DPYS: variants seen among roughly 807,000 people sequenced by gnomAD.
DPYS encodes the protein dihydropyrimidine amidohydrolase.
Under a neutral mutation model 50.3 loss-of-function variants are expected in DPYS, and 39 were observed. That is an observed-to-expected ratio of 0.78 (90% CI 0.60 to 1.01). The LOEUF is 1.01. DPYS is among the 50% of genes least tolerant of loss of function. The pLI, the probability that DPYS is intolerant of heterozygous loss-of-function variation, is 0.00. For synonymous variants in DPYS, 245 were observed against 250.7 expected, an observed-to-expected ratio of 0.98 and a Z score of 0.22; for missense variants, 659 against 680.9, an observed-to-expected ratio of 0.97 and a Z score of 0.36.
Position 104,428,110 on chromosome 8 carries a change from G to A in DPYS, c.962C>T (p.Thr321Ile). The A allele has an allele frequency of 6.2e-7, 1 of 1,614,210 alleles. No individual in the cohort carries two copies. The highest frequency in any genetic ancestry group is 8.5e-7 in the Non-Finnish European group (1 of 1,180,036). The change falls in exon 6 of 10, where the codon ACC (threonine) becomes ATC (isoleucine). Residue 321 changes from threonine to isoleucine, a missense_variant. Transcript: ENST00000351513. ...LMNLLANDDL[T>I]TTGTDNCTFN... ...AGTGCAGTTATCAGTCCCTGTTGTG[G>A]TTAGATCATCACTGTAAAAGAAAAA...
At chr8:104,456,640 T>C (rs568848409) in intron 1 of DPYS, among the ~76,000 whole-genome samples, 3 of 152,390 alleles carry the variant, frequency 2.0e-5, no homozygotes, top group African/African-American at 7.2e-5. Flanking sequence ...GATAGCTACA[T>C]GAAGCCTAGT....
At chr8:104,395,934 C>T (rs145207792) in intron 7 of DPYS, among the ~76,000 whole-genome samples, 10 of 151,386 alleles carry the variant, frequency 6.6e-5, no homozygotes, top group East Asian at 3.9e-4. Flanking sequence ...AAGCAGGAGG[C>T]GGGTACAAAT....
chr8:104,408,555 T>C (rs1812071572), intron 7 of DPYS, among the ~76,000 whole-genome samples: 1 of 152,230 alleles, frequency 6.6e-6, no homozygotes, highest in Admixed American at 6.5e-5. Context: ...TATCAAAAGA[T>C]TGTACCCTTT....
At chr8:104,437,108 A>G (rs966159462) in intron 4 of DPYS, among the ~76,000 whole-genome samples, 1 of 152,240 alleles carries the variant, frequency 6.6e-6, no homozygotes, top group African/African-American at 2.4e-5. Flanking sequence ...ATGGAGGATT[A>G]TGATGGAGTC....
At chr8:104,429,463 G>T in intron 5 of DPYS, 82 bp downstream of exon 5, 1 of 1,585,650 alleles carries the variant, frequency 6.3e-7, no homozygotes, top group East Asian at 2.2e-5. Flanking sequence ...GGTTAGTGGA[G>T]GATCCAGATG....
At chr8:104,382,705 A>G (rs2140499666) in intron 8 of DPYS, among the ~76,000 whole-genome samples, 1 of 152,290 alleles carries the variant, frequency 6.6e-6, no homozygotes, top group South Asian at 2.1e-4. Flanking sequence ...GGCCCGTCTG[A>G]GCAAACCAAG....
intron 8 of DPYS, among the ~76,000 whole-genome samples, chr8:104,385,920 T>C (rs1031240388): frequency 6.6e-6 from 1 of 152,150 alleles, no homozygotes; most frequent in Non-Finnish European, 1.5e-5. Context: ...TAAATGTCTG[T>C]TCATTATAAA....
chr8:104,441,473 A>C (rs1813353990), intron 4 of DPYS, among the ~76,000 whole-genome samples: 1 of 152,190 alleles, frequency 6.6e-6, no homozygotes, highest in Admixed American at 6.5e-5. Context: ...TGAAATGGGG[A>C]GATTATCCTG....
intron 7 of DPYS, among the ~76,000 whole-genome samples, chr8:104,408,934 C>T (rs1812085935): frequency 6.6e-6 from 1 of 151,748 alleles, no homozygotes; most frequent in Admixed American, 6.6e-5. Flanking sequence ...CTGCCTCAGC[C>T]TCCCAGGTAG....
At chr8:104,399,877 A>AAAAG (rs1811732961) in intron 7 of DPYS, among the ~76,000 whole-genome samples, 1 of 150,842 alleles carries the variant, frequency 6.6e-6, no homozygotes, top group Non-Finnish European at 1.5e-5. Context: ...AAAAAAAAAA[A>AAAAG]AAAAAAAAAA....
At chr8:104,380,468 G>C (rs1810995617) in intron 9 of DPYS, 1 of 152,690 alleles carries the variant, frequency 6.5e-6, no homozygotes, top group South Asian at 2.1e-4. Flanking sequence ...GAAGTCAGTG[G>C]AAGTGATATT....
At chr8:104,416,059 A>C (rs546569945) in intron 7 of DPYS, among the ~76,000 whole-genome samples, 1 of 152,308 alleles carries the variant, frequency 6.6e-6, no homozygotes, top group East Asian at 1.9e-4. Flanking sequence ...CATCATGCCC[A>C]TTTTGCAAAT....
chr8:104,450,454 T>C (rs1813700539), intron 2 of DPYS, among the ~76,000 whole-genome samples: 1 of 152,222 alleles, frequency 6.6e-6, no homozygotes, highest in Non-Finnish European at 1.5e-5. Flanking sequence ...GTAAAAAGAT[T>C]GCTGAATTAA....
At chr8:104,399,674 C>A (rs1468938747) in intron 7 of DPYS, among the ~76,000 whole-genome samples, 1 of 151,740 alleles carries the variant, frequency 6.6e-6, no homozygotes, top group Non-Finnish European at 1.5e-5. Context: ...TTGAGACCAT[C>A]CTGGCTAACA....
intron 6 of DPYS, among the ~76,000 whole-genome samples, chr8:104,426,421 G>T (rs1440604208): frequency 6.6e-6 from 1 of 152,224 alleles, no homozygotes; most frequent in African/African-American, 2.4e-5. Context: ...AGACTCTGGA[G>T]ATGGGGACCA....
rs7825427 is a variant in DPYS at position 104,444,369 on chromosome 8, T to C, written c.672A>G (p.Ala224=). 6,318 of 1,614,250 alleles carry C rather than the reference T, an allele frequency of 3.9e-3. 160 individuals are homozygous for C. In the African/African-American group the frequency reaches 0.065, roughly 17 times the overall value. ...CTCTCAGCGTGGCCTCTGCCTCCAC[T>C]GCCTCTGGGCGGCACAGCTCGTGGC... The part of the protein sequence containing the change: ...PEGHELCRPE[A]VEAEATLRAI... Residue 224 remains alanine (A), a synonymous_variant, in exon 4 of 10, where the codon GCA becomes GCG. Transcript: ENST00000351513.
intron 7 of DPYS, among the ~76,000 whole-genome samples, chr8:104,401,365 A>T (rs969025117): frequency 6.6e-6 from 1 of 151,558 alleles, no homozygotes; most frequent in Non-Finnish European, 1.5e-5. Flanking sequence ...GCACAGAAAG[A>T]TTAATAACAC....
chr8:104,382,806 G>A (rs1277823064), intron 8 of DPYS, among the ~76,000 whole-genome samples: 6 of 152,090 alleles, frequency 3.9e-5, no homozygotes, highest in Non-Finnish European at 7.3e-5. Context: ...CAGCAAAGCC[G>A]ATGGTATATT....
chr8:104,423,742 A>G (rs2140619623), intron 7 of DPYS, among the ~76,000 whole-genome samples: 1 of 152,236 alleles, frequency 6.6e-6, no homozygotes, highest in East Asian at 1.9e-4. Context: ...ATTAACATAG[A>G]ATTATGGAAA....
Sources: allele counts gnomAD v4.1 joint callset (sites outside exome capture counted in the v4.1 genomes callset), GRCh38; gene constraint gnomAD v4.1.1; transcripts MANE v1.5; gene names NCBI Gene and HGNC (gene_info 2026-07-23, HGNC 2026-07-21).